The following ZNF367 variants were observed in gnomAD, a reference collection of about 807,000 sequenced individuals.
ZNF367 encodes zinc finger protein 367, also known as C2H2 zinc finger protein ZFF29.
Under a neutral mutation model 31.8 loss-of-function variants are expected in ZNF367, and 11 were observed. That is an observed-to-expected ratio of 0.35 (90% CI 0.22 to 0.57). The LOEUF (loss-of-function observed/expected upper bound fraction) is 0.57. Ranked by LOEUF, ZNF367 falls within the 20% of genes least tolerant of loss-of-function variation. The probability of loss-of-function intolerance (pLI) is 0.85; values close to 1 mark genes in which losing one functional copy is unlikely to be tolerated. For missense variants in ZNF367, 353 were observed against 484.1 expected (o/e 0.73, Z 2.54); for synonymous variants, 199 against 202.4 (o/e 0.98, Z 0.14).
chr9:96,394,576 A>G (rs2131072371), intron 3 of ZNF367, among the ~76,000 whole-genome samples: 1 of 152,374 alleles, frequency 6.6e-6, no homozygotes, highest in Middle Eastern at 3.4e-3. Context: ...GTCTGTATCA[A>G]GTATCTCATG....
chr9:96,408,021 G>T (rs1238372960), intron 1 of ZNF367, among the ~76,000 whole-genome samples: 2 of 138,684 alleles, frequency 1.4e-5, no homozygotes, highest in Non-Finnish European at 3.2e-5. Context: ...ATAAATAAAC[G>T]TTGGACACAG....
At position 96,417,091 on chromosome 9, in the gene ZNF367, T is replaced by C. The variant is rs1831840743; in HGVS notation, c.420+522A>G. ...TGTGCTCTCAACACCTAGCAAGTAGTATGCTGGATAAATGAAAGGCAGCGA... is the reference window on the plus strand; with the variant it reads ...TGTGCTCTCAACACCTAGCAAGTAGCATGCTGGATAAATGAAAGGCAGCGA... On this transcript the variant is annotated intron_variant, in intron 1 of 4. Transcript: ENST00000375256. This position sits in a 1 kb window ranked among gnomAD's most constrained non-coding sequence, Gnocchi z 5.0. Among the ~76,000 whole-genome samples the C allele has an allele frequency of 6.6e-6, 1 of 152,134 alleles. No individual in the cohort carries two copies.
intron 2 of ZNF367, among the ~76,000 whole-genome samples, chr9:96,395,902 T>C (rs768366649): frequency 1.3e-5 from 2 of 152,200 alleles, no homozygotes; most frequent in African/African-American, 4.8e-5. Context: ...CATTATTTAA[T>C]CAACAATTGT....
chr9:96,398,344 A>G, intron 1 of ZNF367, 30 bp from the exon 2 acceptor site: 1 of 1,577,662 alleles, frequency 6.3e-7, no homozygotes, highest in Non-Finnish European at 8.6e-7. Context: ...ACATTAATAT[A>G]ATTTATTTAA....
intron 1 of ZNF367, among the ~76,000 whole-genome samples, chr9:96,415,652 C>G (rs1236129656): frequency 2.6e-5 from 4 of 151,552 alleles, no homozygotes; most frequent in Non-Finnish European, 5.9e-5. Flanking sequence ...CGCCCGCCAC[C>G]ACGTCCGGCG....
chr9:96,417,691 G>T lies in ZNF367; in HGVS notation c.342C>A (p.Pro114=). The T allele has an allele frequency of 8.8e-7, 1 of 1,136,996 alleles. No homozygotes were observed. The highest frequency in any genetic ancestry group is 1.1e-6 in the Non-Finnish European group (1 of 910,400). The allele number at this position is 1,136,996 out of a possible 1,614,324, so 70.4% of individuals were successfully genotyped here. A position where few individuals can be genotyped will look rare whatever the true frequency, so the allele number is the denominator to read the frequency against. ...SGLRGRGAPP[P]AASASAAASG... ...AGGCGGCGGCGGAGGCCGAGGCGGC[G>T]GGCGGGGGCGCGCCCCGGCCACGAA... The change falls in exon 1 of 5, where the codon CCC becomes CCA. Residue 114 remains proline, a synonymous_variant. Transcript: ENST00000375256. This position sits in a 1 kb window ranked among gnomAD's most constrained non-coding sequence, Gnocchi z 5.0.
In ZNF367 at chr9:96,398,178, T is replaced by G; in HGVS notation, c.557A>C (p.Lys186Thr). 2 of 1,604,992 alleles carry G rather than the reference T, an allele frequency of 1.2e-6. No individual in the cohort carries two copies. Among genetic ancestry groups the G allele is most frequent in the Non-Finnish European group, 1.7e-6 (2 of 1,175,802 alleles). ...FPREKSLQAHKRTHTGERPYL... is the reference protein window; with the variant it reads ...FPREKSLQAHTRTHTGERPYL... ...GCTCAACTTACCTGTATGAGTCCTT[T>G]TGTGAGCCTGGAGCGATTTCTCCCG... The change falls in exon 2 of 5, where the codon AAA becomes ACA. Residue 186 changes from lysine (K) to threonine (T), a missense_variant. Lys to Thr is a moderately conservative substitution (Grantham distance 78, BLOSUM62 -1). Coordinates refer to ENST00000375256, the MANE Select transcript of ZNF367 (RefSeq NM_153695.4).
intron 1 of ZNF367, among the ~76,000 whole-genome samples, chr9:96,412,914 T>A (rs1831769450): frequency 6.6e-6 from 1 of 152,140 alleles, no homozygotes. Flanking sequence ...GCCAGGTTGG[T>A]CTCAAACTCC....
chr9:96,415,478 C>CT (rs1564146059), intron 1 of ZNF367, among the ~76,000 whole-genome samples: 16 of 65,568 alleles, frequency 2.4e-4, no homozygotes, highest in African/African-American at 3.4e-4. Flanking sequence ...TTAGTTTCTT[C>CT]ATTTTTTTTT....
At chr9:96,390,884 G>GAAAAAAA (rs34868065) in intron 4 of ZNF367, among the ~76,000 whole-genome samples, 95 of 56,542 alleles carry the variant, frequency 1.7e-3, no homozygotes, top group Non-Finnish European at 1.9e-3. Flanking sequence ...ACCCTGTCTC[G>GAAAAAAA]AAAAAAAAAA....
intron 1 of ZNF367, among the ~76,000 whole-genome samples, chr9:96,409,798 T>G (rs1015158312): frequency 6.6e-6 from 1 of 152,124 alleles, no homozygotes. Context: ...TACACAGGAG[T>G]GAAATCTTCA....
intron 2 of ZNF367, among the ~76,000 whole-genome samples, chr9:96,397,159 A>G (rs1251061562): frequency 6.6e-6 from 1 of 152,172 alleles, no homozygotes; most frequent in Non-Finnish European, 1.5e-5. Context: ...TGTATGGGGC[A>G]GTGTAGCTCT....
intron 3 of ZNF367, among the ~76,000 whole-genome samples, chr9:96,393,763 G>A (rs1231102103): frequency 2.0e-5 from 3 of 152,058 alleles, no homozygotes; most frequent in Non-Finnish European, 4.4e-5. Flanking sequence ...CCCAGGAGGC[G>A]GAGGTTGCGG....
At chr9:96,394,754 C>A in intron 3 of ZNF367, 69 bp downstream of exon 3, 1 of 1,422,752 alleles carries the variant, frequency 7.0e-7, no homozygotes, top group South Asian at 1.6e-5. Flanking sequence ...CAAAAAAATT[C>A]AAGGAAAGGA....
At chr9:96,393,278 C>CT in intron 3 of ZNF367, among the ~76,000 whole-genome samples, 1 of 152,270 alleles carries the variant, frequency 6.6e-6, no homozygotes, top group African/African-American at 2.4e-5. Flanking sequence ...AATCCCAACA[C>CT]TTTGGGAGGC....
chr9:96,399,379 G>A (rs1238308223), intron 1 of ZNF367, among the ~76,000 whole-genome samples: 1 of 152,050 alleles, frequency 6.6e-6, no homozygotes, highest in Non-Finnish European at 1.5e-5. Flanking sequence ...AAAAAAGTCT[G>A]TCAAAACACT....
chr9:96,390,394 C>G (rs553235516), intron 4 of ZNF367, among the ~76,000 whole-genome samples: 1 of 152,250 alleles, frequency 6.6e-6, no homozygotes, highest in African/African-American at 2.4e-5. Context: ...ATAAGTTCAG[C>G]AAGTCAGCAG....
intron 4 of ZNF367, among the ~76,000 whole-genome samples, chr9:96,391,209 A>G (rs569255641): frequency 6.6e-6 from 1 of 152,368 alleles, no homozygotes; most frequent in East Asian, 1.9e-4. Context: ...TAGGCTTACC[A>G]TAATAAACAA....
Position 96,388,080 on chromosome 9 carries a change from T to C in ZNF367, c.*157A>G. On this transcript the variant is annotated 3_prime_UTR_variant, in exon 5 of 5. Transcript: ENST00000375256. ...TTTCCATATTAAAAAAGTGCAGTTC[T>C]CTCTCACCCCATATTCTGGGGCAAT... The C allele has an allele frequency of 1.5e-6, 1 of 682,490 alleles. No individual in the cohort carries two copies. Among genetic ancestry groups the C allele is most frequent in the Non-Finnish European group, 2.4e-6 (1 of 417,158 alleles). 42.3% of individuals were successfully genotyped at this position (682,490 alleles called of 1,614,324 possible).
Sources: gnomAD v4.1 joint callset for allele counts (sites outside exome capture counted in the v4.1 genomes callset) on GRCh38, gnomAD v4.1.1 for gene constraint, Gnocchi (gnomAD v3.1) non-coding constraint, MANE v1.5 for transcripts, NCBI Gene and HGNC (gene_info 2026-07-23, HGNC 2026-07-21) for gene names.